The following SEMA6D variants were observed in gnomAD, a reference collection of about 807,000 sequenced individuals.
SEMA6D encodes the protein semaphorin 6D.
SEMA6D carries 35 observed loss-of-function variants against 106.6 expected under a neutral mutation model. That is an observed-to-expected ratio of 0.33 (90% confidence interval 0.25 to 0.44). The LOEUF (loss-of-function observed/expected upper bound fraction) is 0.44, where lower values mean the gene tolerates loss of function less well. Ranked by LOEUF, SEMA6D falls within the 20% of genes least tolerant of loss-of-function variation. The pLI, the probability that SEMA6D is intolerant of heterozygous loss-of-function variation, is 1.00. For synonymous variants in SEMA6D, 499 were observed against 487.7 expected (o/e 1.02, Z -0.31); for missense variants, 1,185 against 1,345.9 (o/e 0.88, Z 1.87).
chr15:47,347,237 C>G (rs1374862326), intron 1 of SEMA6D, among the ~76,000 whole-genome samples: 1 of 152,064 alleles, frequency 6.6e-6, no homozygotes, highest in Non-Finnish European at 1.5e-5. Context: ...TAAGGTAAAC[C>G]AAATTACCTT....
chr15:47,608,438 A>G (rs919894826), intron 4 of SEMA6D, among the ~76,000 whole-genome samples: 1 of 152,170 alleles, frequency 6.6e-6, no homozygotes, highest in African/African-American at 2.4e-5. Context: ...TGGTGAGGAG[A>G]AAACAGTTGT....
At chr15:47,754,845 CTATT>C (rs2081624471) in intron 1 of SEMA6D, among the ~76,000 whole-genome samples, 1 of 151,962 alleles carries the variant, frequency 6.6e-6, no homozygotes, top group Non-Finnish European at 1.5e-5. Context: ...CTGATAATTT[CTATT>C]TGTTTGTCTT....
At chr15:47,436,031 T>C (rs555520038) in intron 2 of SEMA6D, among the ~76,000 whole-genome samples, 4 of 152,236 alleles carry the variant, frequency 2.6e-5, no homozygotes, top group South Asian at 2.1e-4. Flanking sequence ...TTCAGCACTT[T>C]GGTCTTTTGA....
At chr15:47,336,455 G>C (rs191745050) in intron 1 of SEMA6D, among the ~76,000 whole-genome samples, 1 of 152,190 alleles carries the variant, frequency 6.6e-6, no homozygotes, top group Non-Finnish European at 1.5e-5. Context: ...GCAAAAGCCT[G>C]TGAGCACCTC....
chr15:47,700,783 A>G (rs191916643), intron 4 of SEMA6D, among the ~76,000 whole-genome samples: 182 of 152,270 alleles, frequency 1.2e-3, no homozygotes, highest in Middle Eastern at 3.4e-3. Flanking sequence ...AGTATTGGCA[A>G]AAGAACAGAC....
intron 1 of SEMA6D, among the ~76,000 whole-genome samples, chr15:47,248,067 T>G (rs907483342): frequency 9.9e-5 from 15 of 152,134 alleles, no homozygotes; most frequent in African/African-American, 3.6e-4. Flanking sequence ...CAAAGTACCT[T>G]ATAAATACAT....
Position 47,773,749 on chromosome 15 carries a change from A to G in SEMA6D, c.*1964A>G, listed in dbSNP as rs1412408648. The G allele has an allele frequency of 1.3e-5, 2 of 152,648 alleles. No individual in the cohort carries two copies. The highest frequency in any genetic ancestry group is 4.8e-5 in the African/African-American group (2 of 41,456). 9.5% of individuals were successfully genotyped at this position (152,648 alleles called of 1,614,324 possible). A position where few individuals can be genotyped will look rare whatever the true frequency, so the allele number is the denominator to read the frequency against. On this transcript the variant is annotated 3_prime_UTR_variant, in exon 19 of 19. Coordinates refer to ENST00000536845, the MANE Select transcript of SEMA6D (RefSeq NM_001358351.3). ...CTTGAAACACTTCAGCTTTGCAACT[A>G]AAATATTACAGATTAATAATAAATT...
chr15:47,686,668 A>G (rs974492481), intron 4 of SEMA6D, among the ~76,000 whole-genome samples: 7 of 152,208 alleles, frequency 4.6e-5, no homozygotes, highest in East Asian at 1.9e-4. Flanking sequence ...CCAATCATGC[A>G]TATTTCTTAG....
At chr15:47,201,138 T>A (rs1024617886) in intron 1 of SEMA6D, among the ~76,000 whole-genome samples, 9 of 152,348 alleles carry the variant, frequency 5.9e-5, no homozygotes, top group Admixed American at 3.3e-4. Flanking sequence ...TAGATTTACT[T>A]CCAAATAATT....
At chr15:47,512,946 G>A (rs79303104) in intron 3 of SEMA6D, among the ~76,000 whole-genome samples, 3,537 of 152,262 alleles carry the variant, frequency 0.023, 139 homozygotes, top group African/African-American at 0.08. Flanking sequence ...GTGGCCATGA[G>A]AGCACAAACC....
At chr15:47,286,820 C>T (rs971754261) in intron 1 of SEMA6D, among the ~76,000 whole-genome samples, 1 of 152,072 alleles carries the variant, frequency 6.6e-6, no homozygotes, top group African/African-American at 2.4e-5. Flanking sequence ...CATCTAAACC[C>T]CCTCCCTTAT....
chr15:47,714,247 G>A (rs1000853239), upstream of SEMA6D, among the ~76,000 whole-genome samples: 4 of 151,902 alleles, frequency 2.6e-5, no homozygotes, highest in African/African-American at 9.7e-5. Context: ...ACTAAGTAAG[G>A]GGTAGAATTC....
At chr15:47,481,876 A>G (rs1246269530) in intron 3 of SEMA6D, among the ~76,000 whole-genome samples, 1 of 152,208 alleles carries the variant, frequency 6.6e-6, no homozygotes, top group Non-Finnish European at 1.5e-5. Flanking sequence ...GAGGCTGGAT[A>G]GAGTGGAACT....
At chr15:47,384,350 C>A (rs1165899823) in intron 1 of SEMA6D, among the ~76,000 whole-genome samples, 2 of 152,222 alleles carry the variant, frequency 1.3e-5, no homozygotes. Flanking sequence ...AAGCTTGGTT[C>A]TTTCCCCACT....
intron 1 of SEMA6D, among the ~76,000 whole-genome samples, chr15:47,729,637 A>C (rs16959983): frequency 7.1e-4 from 108 of 152,296 alleles, no homozygotes; most frequent in African/African-American, 2.5e-3. Flanking sequence ...CCAGCCTGTG[A>C]GGATTGATAC....
At chr15:47,337,960 G>A (rs779530225) in intron 1 of SEMA6D, among the ~76,000 whole-genome samples, 1 of 152,136 alleles carries the variant, frequency 6.6e-6, no homozygotes, top group Non-Finnish European at 1.5e-5. Context: ...GATGGAGGTC[G>A]GTTTTGCCTT....
At chr15:47,272,713 C>G (rs2034612172) in intron 1 of SEMA6D, 1 of 152,548 alleles carries the variant, frequency 6.6e-6, no homozygotes, top group African/African-American at 2.4e-5. Flanking sequence ...CCATGTGCAT[C>G]CCTCCCAAAG....
chr15:47,551,451 T>A (rs1255441513), intron 3 of SEMA6D, among the ~76,000 whole-genome samples: 1 of 152,190 alleles, frequency 6.6e-6, no homozygotes, highest in Non-Finnish European at 1.5e-5. Flanking sequence ...ACTGGTGTTA[T>A]GCCATGAATA....
At chr15:47,609,181 A>G (rs900855838) in intron 4 of SEMA6D, among the ~76,000 whole-genome samples, 8 of 152,198 alleles carry the variant, frequency 5.3e-5, no homozygotes, top group African/African-American at 1.7e-4. Flanking sequence ...TGGAGTAACC[A>G]TAGGGTTTCT....
Sources: allele counts gnomAD v4.1 joint callset (sites outside exome capture counted in the v4.1 genomes callset), GRCh38; gene constraint gnomAD v4.1.1; transcripts MANE v1.5; gene names NCBI Gene and HGNC (gene_info 2026-07-23, HGNC 2026-07-21).